XNDC1N: variants seen among roughly 807,000 people sequenced by gnomAD.
XNDC1N encodes XRCC1 N-terminal domain containing 1, N-terminal like.
chr11:71,867,438 G>C, the XNDC1N span, among the ~76,000 whole-genome samples: 3 of 152,130 alleles, frequency 2.0e-5, no homozygotes, highest in African/African-American at 7.2e-5. Context: ...CTGGGAGTAG[G>C]CTCACCAGTC....
chr11:71,910,267 C>T, the XNDC1N span, among the ~76,000 whole-genome samples: 9 of 152,304 alleles, frequency 5.9e-5, 1 homozygote, highest in African/African-American at 2.2e-4. Context: ...GTAAATAACC[C>T]GTCCACATTG....
the XNDC1N span, among the ~76,000 whole-genome samples, chr11:71,899,817 G>C: frequency 4.6e-5 from 7 of 152,336 alleles, no homozygotes; most frequent in African/African-American, 1.7e-4. Flanking sequence ...GGTCTGTGCT[G>C]AGGTGGATTA....
At chr11:71,891,908 C>T in the XNDC1N span, among the ~76,000 whole-genome samples, 2 of 151,688 alleles carry the variant, frequency 1.3e-5, no homozygotes, top group South Asian at 2.1e-4. Flanking sequence ...GGTGTACACC[C>T]CCTGTGATAT....
At chr11:71,878,483 C>G in the XNDC1N span, 1 of 1,611,656 alleles carries the variant, frequency 6.2e-7, no homozygotes, top group Non-Finnish European at 8.5e-7. Context: ...CTTTGGAGTC[C>G]TTTCCTTGAT....
the XNDC1N span, among the ~76,000 whole-genome samples, chr11:71,913,318 G>C: frequency 2.0e-5 from 3 of 151,938 alleles, no homozygotes; most frequent in Non-Finnish European, 4.4e-5. Context: ...TTTTCACAGG[G>C]GTGTGTTAAC....
the XNDC1N span, among the ~76,000 whole-genome samples, chr11:71,911,866 G>T: frequency 1.3e-5 from 2 of 152,186 alleles, no homozygotes; most frequent in South Asian, 2.1e-4. Flanking sequence ...AGCAGCATCT[G>T]CCCCCTTCTG....
chr11:71,890,309 T>C, the XNDC1N span, among the ~76,000 whole-genome samples: 1 of 145,518 alleles, frequency 6.9e-6, no homozygotes, highest in South Asian at 2.2e-4. Flanking sequence ...ATTGTGCGTG[T>C]ACGCCTGTCG....
At chr11:71,891,800 T>C in the XNDC1N span, among the ~76,000 whole-genome samples, 1 of 151,852 alleles carries the variant, frequency 6.6e-6, no homozygotes. Context: ...GAAAACAATA[T>C]CATCGGGGCT....
chr11:71,870,856 G>A, the XNDC1N span, among the ~76,000 whole-genome samples: 1 of 152,138 alleles, frequency 6.6e-6, no homozygotes, highest in South Asian at 2.1e-4. Context: ...CTGCTAGAAT[G>A]GCTACTACAG....
At chr11:71,907,838 C>T in the XNDC1N span, among the ~76,000 whole-genome samples, 6 of 152,152 alleles carry the variant, frequency 3.9e-5, no homozygotes, top group Non-Finnish European at 7.4e-5. Context: ...TCACCCCCTC[C>T]GCCTTGGAAT....
At chr11:71,894,757 T>G in the XNDC1N span, among the ~76,000 whole-genome samples, 69 of 152,358 alleles carry the variant, frequency 4.5e-4, no homozygotes, top group African/African-American at 1.6e-3. Context: ...ATGGAAACAA[T>G]GTACAGGAGG....
At chr11:71,875,609 G>A in the XNDC1N span, among the ~76,000 whole-genome samples, 3 of 151,952 alleles carry the variant, frequency 2.0e-5, no homozygotes, top group African/African-American at 7.3e-5. Context: ...TCCTGAGGGG[G>A]AAAGGGAAAA....
chr11:71,897,221 A>G, the XNDC1N span, among the ~76,000 whole-genome samples: 1 of 152,234 alleles, frequency 6.6e-6, no homozygotes, highest in Non-Finnish European at 1.5e-5. Context: ...AGAAAATTAG[A>G]TTCCTTGGAT....
the XNDC1N span, among the ~76,000 whole-genome samples, chr11:71,923,722 A>AT: frequency 6.6e-6 from 1 of 151,988 alleles, no homozygotes; most frequent in African/African-American, 2.4e-5. Context: ...CGCCCGGCTA[A>AT]TTTTTTGTAT....
At chr11:71,926,473 G>C in the XNDC1N span, among the ~76,000 whole-genome samples, 2 of 152,100 alleles carry the variant, frequency 1.3e-5, no homozygotes, top group African/African-American at 4.8e-5. Context: ...TTTTTGTCAT[G>C]TTCATGATCT....
At chr11:71,866,935 GA>G in the XNDC1N span, among the ~76,000 whole-genome samples, 3 of 152,244 alleles carry the variant, frequency 2.0e-5, no homozygotes, top group East Asian at 5.8e-4. Context: ...AAAAATACTT[GA>G]AAATAGTCCA....
the XNDC1N span, among the ~76,000 whole-genome samples, chr11:71,885,125 C>T: frequency 7.3e-5 from 11 of 150,794 alleles, no homozygotes; most frequent in Non-Finnish European, 1.5e-4. Flanking sequence ...ATTGTACACC[C>T]GTCTGTATTG....
chr11:71,925,258 C>T, the XNDC1N span, among the ~76,000 whole-genome samples: 2 of 152,040 alleles, frequency 1.3e-5, no homozygotes, highest in Non-Finnish European at 2.9e-5. Context: ...ACAGGTTTCA[C>T]GTCTGAATCA....
At chr11:71,900,725 T>A in the XNDC1N span, among the ~76,000 whole-genome samples, 2 of 152,210 alleles carry the variant, frequency 1.3e-5, no homozygotes, top group African/African-American at 4.8e-5. Context: ...TACTGAGGGC[T>A]TCCTAAAGGC....
Sources: gnomAD v4.1 joint callset for allele counts (sites outside exome capture counted in the v4.1 genomes callset) on GRCh38, gnomAD v4.1.1 for gene constraint, MANE v1.5 for transcripts, NCBI Gene and HGNC (gene_info 2026-07-23, HGNC 2026-07-21) for gene names.